Variants in NAALADL2 observed in about 807,000 individuals in gnomAD.
The protein encoded by NAALADL2 is inactive N-acetylated-alpha-linked acidic dipeptidase-like protein 2.
NAALADL2 carries 76 observed loss-of-function variants against 87.2 expected under a neutral mutation model. The ratio of observed to expected loss-of-function variants is 0.87; its 90% CI spans 0.72 to 1.05. The LOEUF is 1.05. Among genes scored for constraint, NAALADL2 ranks in the 50% least tolerant of loss-of-function variants. The pLI, the probability that NAALADL2 is intolerant of heterozygous loss-of-function variation, is 0.00. For synonymous variants in NAALADL2, 354 were observed against 331.0 expected, an observed-to-expected ratio of 1.07 and a Z score of -0.75; for missense variants, 1,089 against 945.8, an observed-to-expected ratio of 1.15 and a Z score of -1.99.
intron 1 of NAALADL2, among the ~76,000 whole-genome samples, chr3:174,968,142 C>A (rs1348001278): frequency 1.3e-5 from 2 of 152,296 alleles, no homozygotes; most frequent in African/African-American, 2.4e-5. Flanking sequence ...CTCCCAACTT[C>A]ATTTCCCACC....
chr3:174,497,899 T>C (rs1490308969), intron 1 of NAALADL2, among the ~76,000 whole-genome samples: 5 of 152,176 alleles, frequency 3.3e-5, no homozygotes, highest in Admixed American at 1.3e-4. Flanking sequence ...AGTGATATCT[T>C]TGGAATTCAA....
intron 10 of NAALADL2, among the ~76,000 whole-genome samples, chr3:175,607,371 T>A (rs1251063639): frequency 1.3e-5 from 2 of 152,206 alleles, no homozygotes. Flanking sequence ...AATTATGCTT[T>A]TTTCCTTCCA....
intron 1 of NAALADL2, among the ~76,000 whole-genome samples, chr3:174,534,731 A>G (rs148446697): frequency 1.3e-5 from 2 of 152,302 alleles, no homozygotes; most frequent in Admixed American, 1.3e-4. Context: ...TCTAATCAGG[A>G]TCGTCTTAAA....
intron 5 of NAALADL2, among the ~76,000 whole-genome samples, chr3:175,413,930 G>A (rs1331175504): frequency 6.6e-6 from 1 of 152,200 alleles, no homozygotes; most frequent in African/African-American, 2.4e-5. Context: ...TTAGAACTGT[G>A]GGTCTTCAGG....
At chr3:175,633,973 T>A (rs370570971) in intron 11 of NAALADL2, among the ~76,000 whole-genome samples, 3 of 151,910 alleles carry the variant, frequency 2.0e-5, no homozygotes. Flanking sequence ...GTGAAGAAAG[T>A]GTCACAGTGA....
At chr3:175,612,651 G>T (rs1036737929) in intron 10 of NAALADL2, among the ~76,000 whole-genome samples, 38 of 152,012 alleles carry the variant, frequency 2.5e-4, no homozygotes, top group Admixed American at 1.4e-3. Context: ...TAAACAGAAA[G>T]CTTTTCAAGA....
chr3:175,456,464 T>TAC (rs58456254), intron 6 of NAALADL2, among the ~76,000 whole-genome samples: 42 of 151,622 alleles, frequency 2.8e-4, no homozygotes, highest in African/African-American at 8.9e-4. Context: ...TAACTACCAA[T>TAC]ACACACACAC....
chr3:175,318,469 C>T (rs1429218528), intron 4 of NAALADL2, among the ~76,000 whole-genome samples: 1 of 151,716 alleles, frequency 6.6e-6, no homozygotes, highest in Non-Finnish European at 1.5e-5. Flanking sequence ...TGCTGTCCAG[C>T]GAAGTTTTTA....
intron 7 of NAALADL2, 103 bp from the exon 8 acceptor site, chr3:175,466,876 C>T (rs1724121462): frequency 1.0e-6 from 1 of 986,366 alleles, no homozygotes; most frequent in Non-Finnish European, 1.6e-6. Context: ...AGCAATTTTG[C>T]TTAATTATTG....
chr3:175,320,575 G>C (rs1759727516), intron 4 of NAALADL2, among the ~76,000 whole-genome samples: 1 of 152,128 alleles, frequency 6.6e-6, no homozygotes, highest in Non-Finnish European at 1.5e-5. Context: ...CAGTGTGACA[G>C]TATTTCAACA....
intron 1 of NAALADL2, among the ~76,000 whole-genome samples, chr3:175,085,571 A>G (rs546426863): frequency 6.6e-6 from 1 of 152,290 alleles, no homozygotes; most frequent in South Asian, 2.1e-4. Flanking sequence ...GGATTATAAA[A>G]ATAAGGAAAG....
At chr3:174,859,582 G>GTT in intron 1 of NAALADL2, 132 bp downstream of exon 1, 1 of 665,934 alleles carries the variant, frequency 1.5e-6, no homozygotes, top group Middle Eastern at 2.5e-4. Flanking sequence ...CCCTGGCCCT[G>GTT]TTTTTAAGGT....
intron 1 of NAALADL2, among the ~76,000 whole-genome samples, chr3:174,450,444 G>C (rs35710010): frequency 0.27 from 41,542 of 152,096 alleles, 6,084 homozygotes; most frequent in South Asian, 0.45. Flanking sequence ...TAGGTGAGTG[G>C]TCTGACATCT....
chr3:175,754,873 G>T (rs576217693), intron 12 of NAALADL2, among the ~76,000 whole-genome samples: 1 of 152,150 alleles, frequency 6.6e-6, no homozygotes, highest in South Asian at 2.1e-4. Flanking sequence ...TTCAGCAATC[G>T]GTACAGTACC....
chr3:175,187,122 G>C (rs1046875196), intron 2 of NAALADL2, among the ~76,000 whole-genome samples: 1 of 152,106 alleles, frequency 6.6e-6, no homozygotes, highest in South Asian at 2.1e-4. Context: ...TCATCTAGGG[G>C]AGGGATTCCT....
intron 1 of NAALADL2, among the ~76,000 whole-genome samples, chr3:175,037,667 C>G (rs1420186962): frequency 6.6e-6 from 1 of 152,146 alleles, no homozygotes; most frequent in Admixed American, 6.6e-5. Flanking sequence ...AGTTCTCTGT[C>G]TAAATGGCCT....
intron 13 of NAALADL2, among the ~76,000 whole-genome samples, chr3:175,765,612 G>A (rs772010444): frequency 6.6e-6 from 1 of 151,996 alleles, no homozygotes; most frequent in African/African-American, 2.4e-5. Flanking sequence ...TTATAAAAAT[G>A]TTTCTTTCAG....
chr3:175,027,686 G>T (rs377479118), intron 1 of NAALADL2, among the ~76,000 whole-genome samples: 2 of 151,900 alleles, frequency 1.3e-5, no homozygotes, highest in East Asian at 1.9e-4. Flanking sequence ...CCTTAATGTG[G>T]TATATTTTCT....
chr3:175,172,178 A>G (rs928316256), intron 2 of NAALADL2, among the ~76,000 whole-genome samples: 4 of 152,178 alleles, frequency 2.6e-5, no homozygotes, highest in Non-Finnish European at 5.9e-5. Context: ...AAATACGTGT[A>G]ATGTTATGTA....
Sources: gnomAD v4.1 joint callset for allele counts (sites outside exome capture counted in the v4.1 genomes callset) on GRCh38, gnomAD v4.1.1 for gene constraint, MANE v1.5 for transcripts, NCBI Gene and HGNC (gene_info 2026-07-23, HGNC 2026-07-21) for gene names.